Variants in GPR139 observed in about 807,000 individuals in gnomAD.
GPR139 encodes probable G protein-coupled receptor 139.
A neutral mutation model predicts 25.8 loss-of-function variants in GPR139; 12 were observed. The observed-to-expected ratio is 0.47, with a 90% CI of 0.30 to 0.75. The LOEUF (loss-of-function observed/expected upper bound fraction) is 0.75, where lower values mean the gene tolerates loss of function less well. Among genes scored for constraint, GPR139 ranks in the 30% least tolerant of loss-of-function variants. The pLI, the probability that GPR139 is intolerant of heterozygous loss-of-function variation, is 0.07. For missense variants in GPR139, 380 were observed against 450.2 expected, an observed-to-expected ratio of 0.84 and a Z score of 1.41; for synonymous variants, 184 against 179.9, an observed-to-expected ratio of 1.02 and a Z score of -0.18.
intron 1 of GPR139, among the ~76,000 whole-genome samples, chr16:20,058,692 G>A (rs2057400082): frequency 6.6e-6 from 1 of 152,204 alleles, no homozygotes; most frequent in Non-Finnish European, 1.5e-5. Flanking sequence ...CAGTCACAGT[G>A]ACGATGTCCC....
At chr16:20,053,750 A>G (rs990483336) in intron 1 of GPR139, among the ~76,000 whole-genome samples, 9 of 152,210 alleles carry the variant, frequency 5.9e-5, no homozygotes, top group Admixed American at 5.2e-4. Context: ...GAAAATTAAA[A>G]TATCTGCTAA....
chr16:20,045,605 T>G (rs541810633), intron 1 of GPR139, among the ~76,000 whole-genome samples: 1 of 152,180 alleles, frequency 6.6e-6, no homozygotes, highest in Non-Finnish European at 1.5e-5. Context: ...CTGGCACCTA[T>G]GAGGCATGAG....
Position 20,029,494 on chromosome 16 carries a change from T to A in GPR139, c.*2241A>T, listed in dbSNP as rs1309698614. On this transcript the variant is annotated 3_prime_UTR_variant, in exon 2 of 2. Coordinates refer to ENST00000570682, the MANE Select transcript of GPR139 (RefSeq NM_001002911.4). ...AAAAATAAATAAATAAATATATATA[T>A]ATATATATATTCAGTATAGGTAGCC... Among the ~76,000 whole-genome samples the A allele has an allele frequency of 4.0e-5, 6 of 150,382 alleles. No individual in the cohort carries two copies. Among genetic ancestry groups the A allele is most frequent in the Admixed American group, 1.3e-4 (2 of 15,028 alleles).
intron 1 of GPR139, among the ~76,000 whole-genome samples, chr16:20,068,236 C>CAAAAAA (rs10534277): frequency 2.4e-4 from 26 of 108,982 alleles, no homozygotes; most frequent in African/African-American, 6.6e-4. Context: ...CTATTTAATG[C>CAAAAAA]AAAAAAAAAA....
intron 1 of GPR139, among the ~76,000 whole-genome samples, chr16:20,036,908 A>T (rs1029794510): frequency 6.6e-6 from 1 of 152,226 alleles, no homozygotes; most frequent in Non-Finnish European, 1.5e-5. Flanking sequence ...TGCAGCAAAT[A>T]TTAACTGGGC....
intron 1 of GPR139, among the ~76,000 whole-genome samples, chr16:20,038,978 G>T (rs549335737): frequency 1.8e-4 from 27 of 152,204 alleles, no homozygotes; most frequent in African/African-American, 6.3e-4. Context: ...CTGATCCAAG[G>T]ATTCCATTGT....
intron 1 of GPR139, among the ~76,000 whole-genome samples, chr16:20,057,192 C>T (rs936134410): frequency 2.8e-4 from 43 of 152,284 alleles, no homozygotes; most frequent in African/African-American, 8.2e-4. Context: ...GCAGGCCGGT[C>T]GCATCTCAGC....
intron 1 of GPR139, among the ~76,000 whole-genome samples, chr16:20,047,283 G>T (rs985241948): frequency 6.6e-6 from 1 of 152,024 alleles, no homozygotes; most frequent in Non-Finnish European, 1.5e-5. Context: ...GCTAAATTTT[G>T]TATTTTTAAT....
rs866653495 is a variant in GPR139, at chr16:20,073,278, A to G, written c.127+212T>C. Among the ~76,000 whole-genome samples, 1 of 134,238 alleles carries G rather than the reference A, an allele frequency of 7.4e-6. No homozygotes were observed. The highest frequency in any genetic ancestry group is 7.3e-5 in the Admixed American group (1 of 13,630). 88.1% of individuals were successfully genotyped at this position (134,238 alleles called of 152,430 possible). ...CACACACACACACACACACACACAC[A>G]CGCTCGCGCGCGCACACACACACAC... On this transcript the variant is annotated intron_variant, in intron 1 of 1. Coordinates refer to ENST00000570682, the MANE Select transcript of GPR139 (RefSeq NM_001002911.4). The surrounding 1 kb of genome is among the most constrained non-coding windows in gnomAD (Gnocchi z 4.7).
At chr16:20,039,536 T>G (rs1210849843) in intron 1 of GPR139, among the ~76,000 whole-genome samples, 1 of 152,216 alleles carries the variant, frequency 6.6e-6, no homozygotes, top group African/African-American at 2.4e-5. Context: ...ACTTTTATTG[T>G]GTATCCACTG....
At chr16:20,069,225 T>C (rs916215696) in intron 1 of GPR139, among the ~76,000 whole-genome samples, 54 of 113,748 alleles carry the variant, frequency 4.7e-4, no homozygotes, top group African/African-American at 1.6e-3. Flanking sequence ...GCTTAGCCCA[T>C]TTAATCTTCA....
intron 1 of GPR139, among the ~76,000 whole-genome samples, chr16:20,051,521 T>C (rs2057372291): frequency 6.6e-6 from 1 of 152,210 alleles, no homozygotes; most frequent in South Asian, 2.1e-4. Flanking sequence ...GAACAGGCCA[T>C]GCCCAGAGGA....
chr16:20,038,027 A>ATT (rs35022647), intron 1 of GPR139, among the ~76,000 whole-genome samples: 39 of 148,868 alleles, frequency 2.6e-4, no homozygotes, highest in East Asian at 1.8e-3. Context: ...CACCCAGCTA[A>ATT]TTTTTTTTTT....
intron 1 of GPR139, chr16:20,071,008 T>A: frequency 1.0e-6 from 1 of 985,412 alleles, no homozygotes; most frequent in Non-Finnish European, 1.2e-6. Flanking sequence ...TACAACTTGA[T>A]CGGCTTCATG....
intron 1 of GPR139, among the ~76,000 whole-genome samples, chr16:20,037,885 A>G (rs1442797289): frequency 6.6e-6 from 1 of 151,936 alleles, no homozygotes. Context: ...GATGAGACTG[A>G]GTTTCGCTCT....
intron 1 of GPR139, among the ~76,000 whole-genome samples, chr16:20,059,150 C>A (rs1016619717): frequency 6.6e-6 from 1 of 152,178 alleles, no homozygotes; most frequent in Non-Finnish European, 1.5e-5. Flanking sequence ...GCCCAGCACC[C>A]ATTAGAACCT....
intron 1 of GPR139, among the ~76,000 whole-genome samples, chr16:20,066,464 G>T (rs1280240427): frequency 6.6e-6 from 1 of 152,184 alleles, no homozygotes; most frequent in Non-Finnish European, 1.5e-5. Flanking sequence ...GGAATTGATT[G>T]CTTAATCTAT....
intron 1 of GPR139, among the ~76,000 whole-genome samples, chr16:20,052,703 A>G (rs1356732886): frequency 6.6e-6 from 1 of 150,532 alleles, no homozygotes; most frequent in Non-Finnish European, 1.5e-5. Context: ...AGGCTGAGGC[A>G]GGAGAATGGC....
chr16:20,034,539 CT>C (rs1311246421), intron 1 of GPR139, among the ~76,000 whole-genome samples: 1 of 152,056 alleles, frequency 6.6e-6, no homozygotes, highest in Non-Finnish European at 1.5e-5. Context: ...TTCTTTCTTT[CT>C]TTTTCAGAGA....
Sources: allele counts gnomAD v4.1 joint callset (sites outside exome capture counted in the v4.1 genomes callset), GRCh38; gene constraint gnomAD v4.1.1; non-coding constraint Gnocchi (gnomAD v3.1); transcripts MANE v1.5; gene names NCBI Gene and HGNC (gene_info 2026-07-23, HGNC 2026-07-21).